Variants in RBM47 observed in about 807,000 individuals in gnomAD.
RBM47 encodes the protein RNA binding motif protein 47, also known as RNA-binding protein 47.
Under a neutral mutation model 47.1 loss-of-function variants are expected in RBM47, and 21 were observed. The ratio of observed to expected loss-of-function variants is 0.45; its 90% CI spans 0.32 to 0.64. The LOEUF (loss-of-function observed/expected upper bound fraction) is 0.64. RBM47 is among the 30% of genes least tolerant of loss of function. The pLI is 0.05. For synonymous variants in RBM47, 375 were observed against 361.7 expected (o/e 1.04, Z -0.42); for missense variants, 708 against 870.9 (o/e 0.81, Z 2.35).
chr4:40,554,364 G>C (rs1331864780), intron 1 of RBM47, among the ~76,000 whole-genome samples: 2 of 117,892 alleles, frequency 1.7e-5, no homozygotes, highest in African/African-American at 7.0e-5. Flanking sequence ...GCCCAGCATG[G>C]AAAATACCTA....
chr4:40,564,051 A>C (rs1730872370), intron 1 of RBM47, among the ~76,000 whole-genome samples: 1 of 152,230 alleles, frequency 6.6e-6, no homozygotes, highest in Non-Finnish European at 1.5e-5. Context: ...CTCTATTCAT[A>C]TAATGTAAAA....
At chr4:40,439,815 G>T (rs577368335) in intron 3 of RBM47, among the ~76,000 whole-genome samples, 1 of 152,176 alleles carries the variant, frequency 6.6e-6, no homozygotes, top group Non-Finnish European at 1.5e-5. Context: ...CAGCTTGTAG[G>T]CAGACTTGAT....
At chr4:40,433,930 A>G (rs1164677826) in intron 5 of RBM47, among the ~76,000 whole-genome samples, 2 of 149,056 alleles carry the variant, frequency 1.3e-5, no homozygotes, top group Non-Finnish European at 3.0e-5. Flanking sequence ...ATTGAATGTC[A>G]AGGTACAGTA....
At chr4:40,432,585 C>T (rs1001686433) in intron 6 of RBM47, 66 bp downstream of exon 6, 1 of 1,599,818 alleles carries the variant, frequency 6.3e-7, no homozygotes, top group Admixed American at 1.8e-5. Context: ...GTGCTGAATA[C>T]TAAATGAATC....
intron 3 of RBM47, among the ~76,000 whole-genome samples, chr4:40,461,973 G>T (rs1389171352): frequency 1.3e-5 from 2 of 151,836 alleles, no homozygotes; most frequent in Admixed American, 6.6e-5. Context: ...TAATTTATTT[G>T]GAATTTGGAC....
intron 1 of RBM47, among the ~76,000 whole-genome samples, chr4:40,619,709 G>A (rs540683685): frequency 8.5e-5 from 13 of 152,260 alleles, no homozygotes; most frequent in African/African-American, 2.9e-4. Flanking sequence ...CTCCCTGGAG[G>A]AGCCTTCTCT....
intron 1 of RBM47, among the ~76,000 whole-genome samples, chr4:40,589,992 C>A (rs1229005731): frequency 6.6e-6 from 1 of 151,600 alleles, no homozygotes; most frequent in East Asian, 1.9e-4. Context: ...AAAAAAAAAA[C>A]AGCAGCTCAA....
chr4:40,606,886 G>C (rs1294073221), intron 1 of RBM47, among the ~76,000 whole-genome samples: 1 of 152,142 alleles, frequency 6.6e-6, no homozygotes, highest in Non-Finnish European at 1.5e-5. Context: ...GAGAGGCTGA[G>C]GTGGGAGGAT....
intron 1 of RBM47, among the ~76,000 whole-genome samples, chr4:40,608,980 T>C (rs555078072): frequency 6.6e-6 from 1 of 151,736 alleles, no homozygotes; most frequent in East Asian, 1.9e-4. Flanking sequence ...TCTCCATACC[T>C]CTTCTTTTAT....
At chr4:40,615,469 A>G (rs1736638326) in intron 1 of RBM47, among the ~76,000 whole-genome samples, 1 of 152,102 alleles carries the variant, frequency 6.6e-6, no homozygotes, top group Non-Finnish European at 1.5e-5. Flanking sequence ...GCTCTTCACC[A>G]AAGTTGCTTT....
intron 3 of RBM47, among the ~76,000 whole-genome samples, chr4:40,448,586 A>G (rs1714918178): frequency 6.6e-6 from 1 of 152,166 alleles, no homozygotes; most frequent in Non-Finnish European, 1.5e-5. Context: ...TGCACATAAG[A>G]GCAAAGGCTT....
chr4:40,513,275 AT>A (rs778215990), intron 2 of RBM47, among the ~76,000 whole-genome samples: 15 of 152,302 alleles, frequency 9.8e-5, no homozygotes, highest in South Asian at 2.1e-4. Flanking sequence ...TACCCAAATC[AT>A]GTTCTTTCAT....
intron 3 of RBM47, among the ~76,000 whole-genome samples, chr4:40,456,281 C>T (rs550106242): frequency 7.2e-5 from 11 of 151,972 alleles, no homozygotes; most frequent in Non-Finnish European, 1.3e-4. Flanking sequence ...GAGAGAAACC[C>T]GGGCATAATA....
chr4:40,562,802 A>G (rs1358200446), intron 1 of RBM47, among the ~76,000 whole-genome samples: 2 of 152,114 alleles, frequency 1.3e-5, no homozygotes, highest in Admixed American at 6.6e-5. Context: ...ACTATTCCCT[A>G]GAAGCAAAAA....
At chr4:40,529,773 G>A (rs1297634163) in intron 2 of RBM47, among the ~76,000 whole-genome samples, 2 of 149,780 alleles carry the variant, frequency 1.3e-5, no homozygotes, top group South Asian at 2.1e-4. Flanking sequence ...AGGTTGCAGT[G>A]AGCCGAGATT....
At chr4:40,429,540 A>G (rs1240047930) in intron 6 of RBM47, among the ~76,000 whole-genome samples, 5 of 151,950 alleles carry the variant, frequency 3.3e-5, no homozygotes, top group Non-Finnish European at 5.9e-5. Context: ...ATAAAGAAAA[A>G]TGCAATGATG....
chr4:40,621,057 T>C (rs1390752659), intron 1 of RBM47, among the ~76,000 whole-genome samples: 1 of 151,714 alleles, frequency 6.6e-6, no homozygotes, highest in African/African-American at 2.4e-5. Context: ...CCACAAACCA[T>C]GACTGACAAT....
chr4:40,620,089 G>A (rs9684895), intron 1 of RBM47, among the ~76,000 whole-genome samples: 37,408 of 151,064 alleles, frequency 0.25, 4,913 homozygotes, highest in Middle Eastern at 0.31. Context: ...CCAGCTACTC[G>A]GGAGGCTGAG....
At chr4:40,585,455 A>T (rs1733476167) in intron 1 of RBM47, among the ~76,000 whole-genome samples, 2 of 152,166 alleles carry the variant, frequency 1.3e-5, no homozygotes, top group Admixed American at 6.5e-5. Context: ...AAATATTCCT[A>T]ATTGTTTCAA....
Sources: allele counts gnomAD v4.1 joint callset (sites outside exome capture counted in the v4.1 genomes callset), GRCh38; gene constraint gnomAD v4.1.1; transcripts MANE v1.5; gene names NCBI Gene and HGNC (gene_info 2026-07-23, HGNC 2026-07-21).